The following EPB41L4A variants were observed in gnomAD, a reference collection of about 807,000 sequenced individuals.
The protein encoded by EPB41L4A is erythrocyte membrane protein band 4.1 like 4A, also known as band 4.1-like protein 4A.
In EPB41L4A, 100 loss-of-function variants were observed where a neutral mutation model predicts 108.6. That is an observed-to-expected ratio of 0.92 (90% CI 0.78 to 1.09). The LOEUF is 1.09. Ranked by LOEUF, EPB41L4A falls within the 50% of genes least tolerant of loss-of-function variation. The pLI is 0.00. For synonymous variants in EPB41L4A, 319 were observed against 289.0 expected, an observed-to-expected ratio of 1.10 and a Z score of -1.05; for missense variants, 1,030 against 842.7, an observed-to-expected ratio of 1.22 and a Z score of -2.75.
intron 9 of EPB41L4A, among the ~76,000 whole-genome samples, chr5:112,241,315 G>A (rs1158103767): frequency 2.6e-5 from 4 of 152,292 alleles, no homozygotes; most frequent in African/African-American, 9.6e-5. Flanking sequence ...TAATGCCTCT[G>A]ATGCCATGTC....
At chr5:112,170,062 GA>G in intron 20 of EPB41L4A, 1 of 459,110 alleles carries the variant, frequency 2.2e-6, no homozygotes, top group South Asian at 3.7e-5. Context: ...CATTAATCAG[GA>G]AAAGCCCCCT....
At chr5:112,394,213 C>T (rs989657885) in intron 1 of EPB41L4A, among the ~76,000 whole-genome samples, 17 of 152,294 alleles carry the variant, frequency 1.1e-4, no homozygotes, top group African/African-American at 3.6e-4. Flanking sequence ...CACTCCTATT[C>T]AACATAGTGT....
At chr5:112,170,594 A>G (rs1039300208) in intron 19 of EPB41L4A, among the ~76,000 whole-genome samples, 6 of 152,188 alleles carry the variant, frequency 3.9e-5, no homozygotes, top group African/African-American at 1.4e-4. Flanking sequence ...TTCAGACTCC[A>G]GTCATTCCCC....
chr5:112,247,724 T>A (rs902131902), intron 9 of EPB41L4A, among the ~76,000 whole-genome samples: 9 of 152,308 alleles, frequency 5.9e-5, no homozygotes, highest in African/African-American at 2.2e-4. Flanking sequence ...AGGTTTACCA[T>A]GAGTCTTCCA....
chr5:112,275,256 ATT>A, intron 4 of EPB41L4A, 68 bp downstream of exon 4: 1 of 1,469,050 alleles, frequency 6.8e-7, no homozygotes, highest in Non-Finnish European at 9.1e-7. Context: ...CCCAATTTTA[ATT>A]TGTTTTAAAT....
At chr5:112,330,524 T>C (rs1011088907) in intron 1 of EPB41L4A, among the ~76,000 whole-genome samples, 7 of 152,104 alleles carry the variant, frequency 4.6e-5, no homozygotes, top group Admixed American at 3.3e-4. Flanking sequence ...CCTGTATTTA[T>C]TAAGTAGCAG....
chr5:112,189,493 T>A (rs140433133), intron 17 of EPB41L4A, among the ~76,000 whole-genome samples: 5 of 152,290 alleles, frequency 3.3e-5, no homozygotes, highest in African/African-American at 1.2e-4. Flanking sequence ...TACACAAACA[T>A]GCAGCCTGAC....
chr5:112,233,957 G>A (rs1749142106), intron 12 of EPB41L4A, among the ~76,000 whole-genome samples: 1 of 151,752 alleles, frequency 6.6e-6, no homozygotes, highest in African/African-American at 2.4e-5. Context: ...GCCTCCCAAA[G>A]CACTGACATT....
At chr5:112,144,719 G>A (rs748847175) in intron 13 of EPB41L4A, among the ~76,000 whole-genome samples, 3 of 152,184 alleles carry the variant, frequency 2.0e-5, no homozygotes, top group African/African-American at 4.8e-5. Context: ...TCTAAATTGG[G>A]TGAAAGTAGC....
downstream of EPB41L4A, chr5:112,162,330 G>A (rs1205261452): frequency 1.3e-5 from 2 of 152,184 alleles, no homozygotes; most frequent in East Asian, 3.8e-4. Context: ...TGTTTTAAGT[G>A]ATTAACTGCC....
intron 1 of EPB41L4A, among the ~76,000 whole-genome samples, chr5:112,413,143 T>C (rs1762506950): frequency 6.6e-6 from 1 of 152,228 alleles, no homozygotes. Flanking sequence ...AAATATGCTC[T>C]TCTTCGGAAA....
intron 1 of EPB41L4A, among the ~76,000 whole-genome samples, chr5:112,407,808 G>T (rs1762156882): frequency 6.6e-6 from 1 of 152,166 alleles, no homozygotes; most frequent in African/African-American, 2.4e-5. Flanking sequence ...ATTAGCAGCA[G>T]CAGGACTAAA....
chr5:112,300,096 T>C (rs1444640699), intron 2 of EPB41L4A, among the ~76,000 whole-genome samples: 3 of 152,222 alleles, frequency 2.0e-5, no homozygotes, highest in African/African-American at 7.2e-5. Context: ...TTCTTATCCA[T>C]TCTGCAATTC....
intron 1 of EPB41L4A, among the ~76,000 whole-genome samples, chr5:112,348,145 C>T (rs1329943464): frequency 6.6e-6 from 1 of 152,132 alleles, no homozygotes; most frequent in South Asian, 2.1e-4. Context: ...ACTCCCTCCA[C>T]CTGAATTGCC....
chr5:112,146,505 G>T (rs560637806), intron 12 of EPB41L4A, among the ~76,000 whole-genome samples: 63 of 152,286 alleles, frequency 4.1e-4, no homozygotes, highest in Admixed American at 7.2e-4. Flanking sequence ...TAACAGCAAG[G>T]TTACTGACGG....
chr5:112,292,801 T>A (rs72781660), intron 2 of EPB41L4A, among the ~76,000 whole-genome samples: 9,336 of 151,522 alleles, frequency 0.062, 319 homozygotes, highest in Non-Finnish European at 0.069. Flanking sequence ...ACCCTAAATT[T>A]AAAAAAAAAC....
At chr5:112,249,902 G>A (rs1174303827) in intron 9 of EPB41L4A, among the ~76,000 whole-genome samples, 1 of 152,100 alleles carries the variant, frequency 6.6e-6, no homozygotes, top group Non-Finnish European at 1.5e-5. Context: ...TAAGGTTGTG[G>A]GTTGTTCTAA....
At chr5:112,295,331 A>G (rs1753920309) in intron 2 of EPB41L4A, among the ~76,000 whole-genome samples, 1 of 152,194 alleles carries the variant, frequency 6.6e-6, no homozygotes, top group Non-Finnish European at 1.5e-5. Context: ...ATTGTAACAA[A>G]GGTGCAGGCA....
intron 10 of EPB41L4A, 101 bp downstream of exon 10, chr5:112,240,618 G>A (rs1326241431): frequency 3.1e-6 from 2 of 641,808 alleles, no homozygotes; most frequent in Non-Finnish European, 5.2e-6. Flanking sequence ...TAATAAAAGG[G>A]AAACAATTCC....
Sources: allele counts gnomAD v4.1 joint callset (sites outside exome capture counted in the v4.1 genomes callset), GRCh38; gene constraint gnomAD v4.1.1; transcripts MANE v1.5; gene names NCBI Gene and HGNC (gene_info 2026-07-23, HGNC 2026-07-21).